CNTNAP2: variants seen among roughly 807,000 people sequenced by gnomAD.
CNTNAP2 encodes the protein contactin associated protein 2.
A neutral mutation model predicts 155.2 loss-of-function variants in CNTNAP2; 98 were observed. The ratio of observed to expected loss-of-function variants is 0.63; its 90% confidence interval spans 0.54 to 0.75. The LOEUF is 0.75. Ranked by LOEUF, CNTNAP2 falls within the 30% of genes least tolerant of loss-of-function variation. The pLI is 0.00. For missense variants in CNTNAP2, 1,727 were observed against 1,688.1 expected (o/e 1.02, Z -0.40); for synonymous variants, 651 against 631.2 (o/e 1.03, Z -0.47).
intron 5 of CNTNAP2, among the ~76,000 whole-genome samples, chr7:147,116,584 C>A (rs2129281662): frequency 6.6e-6 from 1 of 152,206 alleles, no homozygotes; most frequent in Non-Finnish European, 1.5e-5. Flanking sequence ...AGTCTGGTCA[C>A]ACCTTGACAA....
intron 1 of CNTNAP2, among the ~76,000 whole-genome samples, chr7:146,422,909 G>C (rs1796033169): frequency 6.6e-6 from 1 of 152,114 alleles, no homozygotes; most frequent in Non-Finnish European, 1.5e-5. Context: ...TGCATCATAA[G>C]ATAAAAGGGA....
intron 21 of CNTNAP2, among the ~76,000 whole-genome samples, chr7:148,320,046 G>T (rs117857379): frequency 6.6e-6 from 1 of 151,986 alleles, no homozygotes; most frequent in Admixed American, 6.6e-5. Flanking sequence ...TTTAATGAGC[G>T]CATTTCCTTT....
At position 146,721,237 on chromosome 7, in the gene CNTNAP2, ACTCT is replaced by A. The variant is rs1476672547; in HGVS notation, c.98-53029_98-53026del. ...TATTCTCTATATATATTCTCTATAT[ACTCT>A]CTCTATATTCTCTATATACTCTCTA... On this transcript the variant is annotated intron_variant, in intron 1 of 23. Coordinates refer to ENST00000361727, the MANE Select transcript of CNTNAP2 (RefSeq NM_014141.6). 9.1e-5 allele frequency among the ~76,000 whole-genome samples: 11 copies of A among 120,258 alleles called. 1 individual carries two copies. In the East Asian group the frequency reaches 2.0e-3, roughly 21 times the overall value. The allele number at this position is 120,258 out of a possible 152,430, so 78.9% of individuals were successfully genotyped here.
At chr7:146,745,764 GAA>G (rs112857634) in intron 1 of CNTNAP2, among the ~76,000 whole-genome samples, 4,859 of 96,866 alleles carry the variant, frequency 0.05, 278 homozygotes, top group African/African-American at 0.15. Context: ...GACTCCATCT[GAA>G]AAAAAAAAAA....
intron 8 of CNTNAP2, among the ~76,000 whole-genome samples, chr7:147,253,619 A>G (rs1804253428): frequency 6.6e-6 from 1 of 152,158 alleles, no homozygotes; most frequent in South Asian, 2.1e-4. Flanking sequence ...TAGGAAATAC[A>G]AAACCGCTGT....
chr7:147,086,680 C>T, intron 4 of CNTNAP2, among the ~76,000 whole-genome samples: 1 of 152,154 alleles, frequency 6.6e-6, no homozygotes, highest in East Asian at 1.9e-4. Flanking sequence ...TCCAGCGATT[C>T]TCCACCCCAG....
At chr7:146,265,725 G>A (rs1799984779) in intron 1 of CNTNAP2, among the ~76,000 whole-genome samples, 1 of 152,116 alleles carries the variant, frequency 6.6e-6, no homozygotes, top group African/African-American at 2.4e-5. Flanking sequence ...CTCCCAAAAT[G>A]CTATGATTAT....
chr7:147,418,952 AT>A (rs1371508789), intron 10 of CNTNAP2, among the ~76,000 whole-genome samples: 2 of 152,192 alleles, frequency 1.3e-5, no homozygotes, highest in Non-Finnish European at 2.9e-5. Context: ...AAGAATGAAA[AT>A]TCTGCTGAAC....
chr7:148,318,021 G>T (rs1797721950), intron 21 of CNTNAP2, among the ~76,000 whole-genome samples: 1 of 152,158 alleles, frequency 6.6e-6, no homozygotes, highest in Non-Finnish European at 1.5e-5. Context: ...CCTCCAAGGT[G>T]GTGGCAAGCA....
intron 1 of CNTNAP2, among the ~76,000 whole-genome samples, chr7:146,350,330 A>G (rs1794893503): frequency 1.3e-5 from 2 of 152,296 alleles, no homozygotes; most frequent in South Asian, 2.1e-4. Context: ...ACAAATTTAC[A>G]AGAAAAAAAC....
intron 12 of CNTNAP2, among the ~76,000 whole-genome samples, chr7:147,618,679 CTATTATATATATATAATAACAGCTATT>C (rs1801338628): frequency 6.8e-6 from 1 of 147,264 alleles, no homozygotes; most frequent in Admixed American, 6.8e-5. Flanking sequence ...ATAATAACAG[CTATTATATATATATAATAACAGCTATT>C]ATACACACAC....
At chr7:147,539,571 G>T (rs902321857) in intron 11 of CNTNAP2, among the ~76,000 whole-genome samples, 1 of 152,172 alleles carries the variant, frequency 6.6e-6, no homozygotes, top group African/African-American at 2.4e-5. Flanking sequence ...GAATTGTGTT[G>T]TGTTTTTACC....
intron 3 of CNTNAP2, among the ~76,000 whole-genome samples, chr7:146,938,670 A>G (rs539558213): frequency 1.3e-5 from 2 of 152,162 alleles, no homozygotes; most frequent in Admixed American, 6.5e-5. Context: ...ATGTAAAAAT[A>G]TTTCGTTAAA....
At position 146,243,941 on chromosome 7, in the gene CNTNAP2, C is replaced by T. The variant is rs377244930; in HGVS notation, c.97+126968C>T. Among the ~76,000 whole-genome samples the T allele has an allele frequency of 2.2e-3, 335 of 151,970 alleles. 2 individuals are homozygous for T. The highest frequency in any genetic ancestry group is 7.8e-3 in the African/African-American group (325 of 41,416). ...CGATGTTTCTCAGGGCTGCTTCGAG[C>T]GGGATTAGGGGCGGTGTGGGAACCT... On this transcript the variant is annotated intron_variant, in intron 1 of 23. Transcript: ENST00000361727.
chr7:148,049,262 G>A (rs1802838625), intron 15 of CNTNAP2, among the ~76,000 whole-genome samples: 1 of 152,118 alleles, frequency 6.6e-6, no homozygotes, highest in Non-Finnish European at 1.5e-5. Flanking sequence ...AAACTACGAA[G>A]CTAACTTATT....
intron 1 of CNTNAP2, among the ~76,000 whole-genome samples, chr7:146,519,284 G>A (rs1332008034): frequency 6.6e-6 from 1 of 151,808 alleles, no homozygotes; most frequent in Non-Finnish European, 1.5e-5. Flanking sequence ...TCTAATCCTG[G>A]TATTAGAATT....
intron 22 of CNTNAP2, among the ~76,000 whole-genome samples, chr7:148,385,343 G>GAACAA (rs1799167673): frequency 6.6e-6 from 1 of 152,194 alleles, no homozygotes; most frequent in Admixed American, 6.5e-5. Context: ...GGGCTGGCTT[G>GAACAA]AACAAAGGAA....
chr7:146,413,164 A>T (rs1260359051), intron 1 of CNTNAP2, among the ~76,000 whole-genome samples: 2 of 152,212 alleles, frequency 1.3e-5, no homozygotes, highest in African/African-American at 4.8e-5. Flanking sequence ...ATGAAAAAGC[A>T]CTTGACTAGC....
intron 1 of CNTNAP2, among the ~76,000 whole-genome samples, chr7:146,552,072 A>G (rs932769413): frequency 6.6e-6 from 1 of 152,016 alleles, no homozygotes; most frequent in African/African-American, 2.4e-5. Context: ...GTCCTATAAT[A>G]CTCTGTGGAA....
Sources: gnomAD v4.1 joint callset for allele counts (sites outside exome capture counted in the v4.1 genomes callset) on GRCh38, gnomAD v4.1.1 for gene constraint, MANE v1.5 for transcripts, NCBI Gene and HGNC (gene_info 2026-07-23, HGNC 2026-07-21) for gene names.